TESMIN: variants seen among roughly 807,000 people sequenced by gnomAD.
The protein encoded by TESMIN is testis expressed metallothionein like protein.
Under a neutral mutation model 47.4 loss-of-function variants are expected in TESMIN, and 34 were observed. The ratio of observed to expected loss-of-function variants is 0.72; its 90% CI spans 0.55 to 0.96. The LOEUF is 0.96. TESMIN is among the 40% of genes least tolerant of loss of function. The pLI is 0.00. For synonymous variants in TESMIN, 278 were observed against 258.9 expected, an observed-to-expected ratio of 1.07 and a Z score of -0.71; for missense variants, 610 against 637.2, an observed-to-expected ratio of 0.96 and a Z score of 0.46.
chr11:68,711,557 G>C lies in TESMIN; in HGVS notation c.1159-508C>G, dbSNP rs1946072800. Reference sequence around the variant, plus strand: ...TGTATGGGTGTGAGTCCCAAGCAGAGAGAGGGTGTTGCTCTCCCTTCTCTA... The same window carrying C: ...TGTATGGGTGTGAGTCCCAAGCAGACAGAGGGTGTTGCTCTCCCTTCTCTA... On this transcript the variant is annotated intron_variant, in intron 8 of 9. Transcript: ENST00000255087. 2.6e-5 allele frequency among the ~76,000 whole-genome samples: 4 copies of C among 152,258 alleles called. No homozygotes were observed. The East Asian group carries it at 7.7e-4, about 29-fold the overall frequency.
intron 6 of TESMIN, 140 bp from the exon 7 acceptor site, chr11:68,716,079 C>T: frequency 1.6e-6 from 1 of 606,542 alleles, no homozygotes; most frequent in Non-Finnish European, 2.9e-6. Context: ...GCTCAGACTC[C>T]TTTTATATGA....
intron 2 of TESMIN, among the ~76,000 whole-genome samples, chr11:68,749,251 C>G (rs1946559569): frequency 6.6e-6 from 1 of 152,236 alleles, no homozygotes. Context: ...GAGGCCCCAG[C>G]CTCTGCCCAT....
At chr11:68,745,898 G>A (rs1946514514) in intron 3 of TESMIN, among the ~76,000 whole-genome samples, 1 of 152,216 alleles carries the variant, frequency 6.6e-6, no homozygotes, top group South Asian at 2.1e-4. Flanking sequence ...ATAGAAAGGC[G>A]AGAGATGCTG....
At position 68,708,401 on chromosome 11, in the gene TESMIN, G is replaced by A. The variant is rs373980055; in HGVS notation, c.1434C>T (p.Cys478=). Residue 478 remains cysteine (C), a synonymous_variant, in exon 10 of 10, where the codon TGC becomes TGT. Transcript: ENST00000255087. Reference sequence around the variant, plus strand: ...CCTCCAGGATCATCTGCTCTGCCAGGCACTTGGAGCAGTGTTCTTTCTCGG... The same window carrying A: ...CCTCCAGGATCATCTGCTCTGCCAGACACTTGGAGCAGTGTTCTTTCTCGG... ...EEAEKEHCSK[C]LAEQMILEEF... is the part of the protein sequence containing the mutation. The A allele has an allele frequency of 1.6e-5, 26 of 1,614,066 alleles. 1 individual carries two copies. The highest frequency in any genetic ancestry group is 2.1e-5 in the Non-Finnish European group (25 of 1,180,018).
At chr11:68,745,799 G>A (rs551061930) in intron 3 of TESMIN, among the ~76,000 whole-genome samples, 8 of 152,288 alleles carry the variant, frequency 5.3e-5, no homozygotes, top group South Asian at 2.1e-4. Context: ...GTCGCAAGCC[G>A]GGTGGGTCTG....
chr11:68,746,630 T>C (rs946736436), intron 3 of TESMIN, among the ~76,000 whole-genome samples: 5 of 152,182 alleles, frequency 3.3e-5, no homozygotes, highest in Non-Finnish European at 7.3e-5. Flanking sequence ...ACGTGAGATC[T>C]GGAGTCCCAG....
At chr11:68,709,417 G>A (rs1445496408) in intron 9 of TESMIN, among the ~76,000 whole-genome samples, 1 of 152,208 alleles carries the variant, frequency 6.6e-6, no homozygotes, top group African/African-American at 2.4e-5. Flanking sequence ...TCAAACCTTG[G>A]GGTCCTGCTG....
intron 7 of TESMIN, among the ~76,000 whole-genome samples, chr11:68,715,319 G>A (rs935559468): frequency 1.3e-5 from 2 of 152,174 alleles, no homozygotes; most frequent in South Asian, 2.1e-4. Context: ...AGTGGCCATC[G>A]GGGGCATCAA....
rs1235310808 is a variant in TESMIN at position 68,747,234 on chromosome 11, A to G, written c.604T>C (p.Ser202Pro). 1.1e-5 allele frequency: 18 copies of G among 1,614,200 alleles called. No homozygotes were observed. The highest frequency in any genetic ancestry group is 1.4e-5 in the Non-Finnish European group (17 of 1,180,026). Residue 202 changes from serine (S) to proline (P), a missense_variant, in exon 3 of 10, where the codon TCT (serine) becomes CCT (proline). Ser to Pro is a moderately conservative substitution (Grantham distance 74). Coordinates refer to ENST00000255087, the MANE Select transcript of TESMIN (RefSeq NM_004923.3). ...SQELEDASCC[S>P]LKKDSNPMVI... ...ATTGGGTTGGAATCTTTCTTAAGAG[A>G]ACAGCAGGAGGCATCCTCTAGTTCC...
chr11:68,725,999 C>T (rs1445615181), intron 6 of TESMIN, among the ~76,000 whole-genome samples: 2 of 152,100 alleles, frequency 1.3e-5, no homozygotes, highest in African/African-American at 2.4e-5. Context: ...CAACCAAAGG[C>T]GCTGGTTTTA....
chr11:68,715,921 G>A lies in TESMIN; in HGVS notation c.936C>T (p.Ala312=), dbSNP rs200200346. ...ITLAGYCDCF[A]SGDFCNNCNC... is the part of the protein sequence containing the mutation. ...TGCAGTTGTTGCAAAAGTCCCCACT[G>A]GCAAAGCAGTCACAGTACCTGTGAA... is the stretch of plus-strand genomic sequence containing the variant. The change falls in exon 7 of 10, where the codon GCC becomes GCT. Residue 312 remains alanine, a synonymous_variant. Coordinates refer to ENST00000255087, the MANE Select transcript of TESMIN (RefSeq NM_004923.3). 2 of 1,611,724 alleles carry A rather than the reference G, an allele frequency of 1.2e-6. No homozygotes were observed. Among genetic ancestry groups the A allele is most frequent in the Non-Finnish European group, 1.7e-6 (2 of 1,177,920 alleles).
chr11:68,721,309 T>C (rs1172009519), intron 6 of TESMIN, among the ~76,000 whole-genome samples: 1 of 152,164 alleles, frequency 6.6e-6, no homozygotes, highest in Non-Finnish European at 1.5e-5. Flanking sequence ...GCACCTGCTG[T>C]TTCCTCTGCC....
chr11:68,741,958 TAA>T (rs1295914064), intron 5 of TESMIN, among the ~76,000 whole-genome samples: 7 of 152,218 alleles, frequency 4.6e-5, no homozygotes, highest in Admixed American at 1.3e-4. Flanking sequence ...AAGCAAACTT[TAA>T]AAAAGTATTT....
At chr11:68,743,746 C>T (rs1946486780) in intron 4 of TESMIN, among the ~76,000 whole-genome samples, 1 of 152,082 alleles carries the variant, frequency 6.6e-6, no homozygotes, top group South Asian at 2.1e-4. Flanking sequence ...AGTAGAAGCA[C>T]CTGAACACTT....
intron 5 of TESMIN, among the ~76,000 whole-genome samples, chr11:68,741,530 A>G (rs985510987): frequency 1.3e-5 from 2 of 152,120 alleles, no homozygotes; most frequent in African/African-American, 2.4e-5. Context: ...CTAATTGTCT[A>G]TCTCCTGCAG....
At chr11:68,736,885 G>T in intron 6 of TESMIN, 1 of 985,496 alleles carries the variant, frequency 1.0e-6, no homozygotes, top group Non-Finnish European at 1.2e-6. Context: ...TAGCTGCCCT[G>T]AAAACGCTGT....
intron 6 of TESMIN, among the ~76,000 whole-genome samples, chr11:68,729,377 T>C (rs983901868): frequency 4.7e-5 from 7 of 148,866 alleles, no homozygotes; most frequent in African/African-American, 1.7e-4. Context: ...TACAAAAAAT[T>C]AGCTGGGCGT....
At chr11:68,730,906 T>C (rs1946319460) in intron 6 of TESMIN, among the ~76,000 whole-genome samples, 2 of 152,220 alleles carry the variant, frequency 1.3e-5, no homozygotes, top group South Asian at 4.1e-4. Context: ...TCCAGATTAA[T>C]TTATCAGTTA....
chr11:68,721,364 A>C (rs527944874), intron 6 of TESMIN, among the ~76,000 whole-genome samples: 1 of 151,876 alleles, frequency 6.6e-6, no homozygotes, highest in African/African-American at 2.4e-5. Flanking sequence ...CCACCCAATG[A>C]ACTCCCCCTA....
Sources: allele counts gnomAD v4.1 joint callset (sites outside exome capture counted in the v4.1 genomes callset), GRCh38; gene constraint gnomAD v4.1.1; transcripts MANE v1.5; gene names NCBI Gene and HGNC (gene_info 2026-07-23, HGNC 2026-07-21).